Variants in CSPP1 observed in about 807,000 individuals in gnomAD.
CSPP1 encodes centrosome and spindle pole associated protein 1.
CSPP1 carries 126 observed loss-of-function variants against 164.4 expected under a neutral mutation model. That is an observed-to-expected ratio of 0.77 (90% CI 0.66 to 0.89). CSPP1 has a LOEUF of 0.89. Among genes scored for constraint, CSPP1 ranks in the 40% least tolerant of loss-of-function variants. CSPP1 has a pLI of 0.00. For synonymous variants in CSPP1, 472 were observed against 476.7 expected, an observed-to-expected ratio of 0.99 and a Z score of 0.13; for missense variants, 1,395 against 1,449.8, an observed-to-expected ratio of 0.96 and a Z score of 0.61.
At chr8:67,074,435 C>CT (rs1306225976) in intron 2 of CSPP1, 84 bp downstream of exon 2, 1 of 738,022 alleles carries the variant, frequency 1.4e-6, no homozygotes, top group African/African-American at 1.8e-5. Flanking sequence ...ACATCCTCTT[C>CT]TATGAGTGAG....
intron 7 of CSPP1, among the ~76,000 whole-genome samples, chr8:67,097,795 T>C (rs1012739921): frequency 2.6e-5 from 4 of 151,954 alleles, no homozygotes; most frequent in Non-Finnish European, 5.9e-5. Flanking sequence ...TATCTTCTTA[T>C]GTATCCCAAA....
chr8:67,193,487 A>G lies in CSPP1; in HGVS notation c.3354A>G (p.Ala1118=), dbSNP rs557509288. The change falls in exon 30 of 31, where the codon GCA becomes GCG. Residue 1118 remains alanine (A), a synonymous_variant. Transcript: ENST00000678616. ...AGGATAGCAGTCGTCCTAATGTAGCACCAGATGGTCTCTCTCTAAAATCTA... is the reference window on the plus strand; with the variant it reads ...AGGATAGCAGTCGTCCTAATGTAGCGCCAGATGGTCTCTCTCTAAAATCTA... ...LDIDSSRPNV[A]PDGLSLKSIS... 6.8e-6 allele frequency: 11 copies of G among 1,613,504 alleles called. No homozygotes were observed. Among genetic ancestry groups the G allele is most frequent in the East Asian group, 6.7e-5 (3 of 44,868 alleles).
intron 1 of CSPP1, among the ~76,000 whole-genome samples, chr8:67,066,371 G>A (rs1805548445): frequency 6.6e-6 from 1 of 152,084 alleles, no homozygotes; most frequent in African/African-American, 2.4e-5. Context: ...TGAGAAGTGA[G>A]AAACATTGTC....
intron 9 of CSPP1, among the ~76,000 whole-genome samples, chr8:67,109,630 G>A (rs370948259): frequency 6.6e-6 from 1 of 152,050 alleles, no homozygotes; most frequent in African/African-American, 2.4e-5. Flanking sequence ...TACCATTGTC[G>A]CATTTCTCTG....
intron 8 of CSPP1, among the ~76,000 whole-genome samples, chr8:67,103,645 CAAAA>C (rs747059154): frequency 2.3e-5 from 3 of 128,468 alleles, no homozygotes; most frequent in African/African-American, 8.6e-5. Flanking sequence ...ACTGAAAATA[CAAAA>C]AAAAAAAAGA....
intron 9 of CSPP1, among the ~76,000 whole-genome samples, chr8:67,107,392 G>A (rs1336805664): frequency 6.6e-6 from 1 of 152,134 alleles, no homozygotes; most frequent in Non-Finnish European, 1.5e-5. Context: ...ATGTCTTTCT[G>A]AGCTGAGAGC....
chr8:67,130,053 C>T (rs970905508), intron 15 of CSPP1, among the ~76,000 whole-genome samples: 1 of 152,044 alleles, frequency 6.6e-6, no homozygotes, highest in African/African-American at 2.4e-5. Flanking sequence ...ATAGAAAGTA[C>T]AATATTTGTG....
chr8:67,076,864 TGAGAGA>T (rs150167534), intron 3 of CSPP1, among the ~76,000 whole-genome samples: 2 of 151,670 alleles, frequency 1.3e-5, no homozygotes, highest in African/African-American at 2.4e-5. Context: ...TTTGTGTGTG[TGAGAGA>T]GAGAGAGAAG....
In CSPP1 at chr8:67,193,488, C is replaced by A. The variant is rs1017040124; in HGVS notation, c.3355C>A (p.Pro1119Thr). Residue 1119 changes from proline to threonine, a missense_variant, in exon 30 of 31, where the codon CCA (proline) becomes ACA (threonine). Transcript: ENST00000678616. ...DIDSSRPNVA[P>T]DGLSLKSISS... ...GGATAGCAGTCGTCCTAATGTAGCA[C>A]CAGATGGTCTCTCTCTAAAATCTAT... 5.0e-6 allele frequency: 8 copies of A among 1,613,082 alleles called. No individual in the cohort carries two copies. The highest frequency in any genetic ancestry group is 4.0e-5 in the African/African-American group (3 of 74,900).
chr8:67,137,351 T>C lies in CSPP1; in HGVS notation c.1828-105T>C, dbSNP rs187876055. The C allele has an allele frequency of 8.9e-6, 8 of 901,486 alleles. No homozygotes were observed. The Admixed American group carries it at 2.2e-4, about 25-fold the overall frequency. The allele number at this position is 901,486 out of a possible 1,614,324, so 55.8% of individuals were successfully genotyped here. On this transcript the variant is annotated intron_variant, in intron 16 of 30. Coordinates refer to ENST00000678616, the MANE Select transcript of CSPP1 (RefSeq NM_001382391.1). ...CACTGGGGAAAAAAAAAAAAGCAAA[T>C]TTTTTTGCTTGTTTTCTAATACAAA...
chr8:67,076,191 A>C (rs1342880854), intron 2 of CSPP1, among the ~76,000 whole-genome samples: 2 of 151,994 alleles, frequency 1.3e-5, no homozygotes, highest in Non-Finnish European at 2.9e-5. Context: ...AAGCTTCATG[A>C]TGGCAGAAAT....
chr8:67,064,599 G>A, intron 1 of CSPP1, 61 bp downstream of exon 1: 4 of 1,456,510 alleles, frequency 2.7e-6, no homozygotes, highest in Admixed American at 2.4e-5. Flanking sequence ...TCGCTGCCCC[G>A]GAGCGGGGGC....
chr8:67,088,050 A>C (rs1405058710), intron 4 of CSPP1, among the ~76,000 whole-genome samples: 3 of 152,190 alleles, frequency 2.0e-5, no homozygotes, highest in Admixed American at 2.0e-4. Flanking sequence ...TTCGTGTTCC[A>C]GCCTGACTCC....
intron 17 of CSPP1, among the ~76,000 whole-genome samples, chr8:67,145,402 T>C (rs1824318467): frequency 6.6e-6 from 1 of 152,142 alleles, no homozygotes. Context: ...TCAGCTTTAG[T>C]TTTCATTGAT....
chr8:67,188,504 A>T (rs1835305744), intron 28 of CSPP1, among the ~76,000 whole-genome samples: 1 of 152,230 alleles, frequency 6.6e-6, no homozygotes, highest in African/African-American at 2.4e-5. Flanking sequence ...AATGATCGGG[A>T]TATAAACCCC....
rs1338540454 is a variant in CSPP1, at chr8:67,190,646, T to C, written c.3221-4T>C. 1 of 1,612,458 alleles carries C rather than the reference T, an allele frequency of 6.2e-7. No individual in the cohort carries two copies. Among genetic ancestry groups the C allele is most frequent in the East Asian group, 2.2e-5 (1 of 44,892 alleles). On this transcript the variant is annotated splice_region_variant and splice_polypyrimidine_tract_variant and intron_variant, in intron 28 of 30. Coordinates refer to ENST00000678616, the MANE Select transcript of CSPP1 (RefSeq NM_001382391.1). ...ACTCCTTCTGCTTTTCGGGGTCCTC[T>C]TAGGGGCTTACGGTGAGACATATCC...
intron 1 of CSPP1, chr8:67,064,775 A>T: frequency 3.6e-6 from 1 of 278,378 alleles, no homozygotes; most frequent in Non-Finnish European, 6.4e-6. Context: ...GGGTGTGGAG[A>T]GTTGGGATTT....
chr8:67,136,805 A>C (rs1037606065), intron 16 of CSPP1, among the ~76,000 whole-genome samples: 1 of 151,662 alleles, frequency 6.6e-6, no homozygotes, highest in Admixed American at 6.6e-5. Flanking sequence ...AAAGGAACGT[A>C]GGGAGATCTG....
chr8:67,144,060 T>C (rs1824018119), intron 17 of CSPP1, among the ~76,000 whole-genome samples: 1 of 152,210 alleles, frequency 6.6e-6, no homozygotes, highest in Admixed American at 6.5e-5. Flanking sequence ...AAGTTAGCTG[T>C]AGGCTTTTAG....
Sources: allele counts gnomAD v4.1 joint callset (sites outside exome capture counted in the v4.1 genomes callset), GRCh38; gene constraint gnomAD v4.1.1; transcripts MANE v1.5; gene names NCBI Gene and HGNC (gene_info 2026-07-23, HGNC 2026-07-21).